NDFIP1: variants seen among roughly 807,000 people sequenced by gnomAD.
The protein encoded by NDFIP1 is Nedd4 family interacting protein 1.
Under a neutral mutation model 28.8 loss-of-function variants are expected in NDFIP1, and 7 were observed. The ratio of observed to expected loss-of-function variants is 0.24; its 90% CI spans 0.14 to 0.46. NDFIP1 has a LOEUF of 0.46. Among genes scored for constraint, NDFIP1 ranks in the 20% least tolerant of loss-of-function variants. The pLI is 0.99. For synonymous variants in NDFIP1, 92 were observed against 101.0 expected (o/e 0.91, Z 0.53); for missense variants, 194 against 269.1 (o/e 0.72, Z 1.95).
rs199878440 is a variant in NDFIP1 at position 142,153,482 on chromosome 5, T to C, written c.*1754T>C. 1.2e-3 allele frequency: 530 copies of C among 453,128 alleles called. 2 individuals carry two copies. The highest frequency in any genetic ancestry group is 1.0e-2 in the African/African-American group (501 of 50,110). The allele number at this position is 453,128 out of a possible 1,614,324, so 28.1% of individuals were successfully genotyped here. Reference sequence around the variant, plus strand: ...CCAAACAGGAAAATTAGGAGCCTCCTGGATTGACATTTCAATGATCCCTCT... The same window carrying C: ...CCAAACAGGAAAATTAGGAGCCTCCCGGATTGACATTTCAATGATCCCTCT... On this transcript the variant is annotated 3_prime_UTR_variant, in exon 8 of 8. Transcript: ENST00000253814.
At chr5:142,111,250 TAAATAATG>T (rs1757011826) in intron 1 of NDFIP1, among the ~76,000 whole-genome samples, 1 of 151,096 alleles carries the variant, frequency 6.6e-6, no homozygotes, top group African/African-American at 2.4e-5. Flanking sequence ...GCATGCTAGA[TAAATAATG>T]AAATAGGTTC....
At chr5:142,146,767 T>C (rs1389740703) in intron 7 of NDFIP1, among the ~76,000 whole-genome samples, 1 of 152,182 alleles carries the variant, frequency 6.6e-6, no homozygotes, top group Non-Finnish European at 1.5e-5. Context: ...TCATCTTGGT[T>C]CTAAGCATAA....
At chr5:142,131,922 G>T in intron 2 of NDFIP1, 27 bp downstream of exon 2, 1 of 1,541,068 alleles carries the variant, frequency 6.5e-7, no homozygotes, top group East Asian at 2.3e-5. Context: ...GGTGATCACG[G>T]AATCCTTAAA....
intron 7 of NDFIP1, among the ~76,000 whole-genome samples, chr5:142,150,236 A>G (rs1031799800): frequency 4.0e-5 from 6 of 151,284 alleles, no homozygotes; most frequent in African/African-American, 1.2e-4. Flanking sequence ...ATTTATGTTT[A>G]TAATGAGTCT....
chr5:142,135,199 C>T (rs892058221), intron 3 of NDFIP1, among the ~76,000 whole-genome samples: 4 of 152,064 alleles, frequency 2.6e-5, no homozygotes, highest in Non-Finnish European at 4.4e-5. Context: ...AGGATGGTCT[C>T]GATCTCCTGA....
Position 142,109,029 on chromosome 5 carries a change from T to C in NDFIP1, c.55T>C (p.Tyr19His). 7.0e-7 allele frequency: 1 copy of C among 1,430,894 alleles called. No individual in the cohort carries two copies. Among genetic ancestry groups the C allele is most frequent in the Non-Finnish European group, 9.1e-7 (1 of 1,093,252 alleles). The allele number at this position is 1,430,894 out of a possible 1,614,324, so 88.6% of individuals were successfully genotyped here. A position where few individuals can be genotyped will look rare whatever the true frequency, so the allele number is the denominator to read the frequency against. The stretch of plus-strand genomic sequence containing the variant: ...GGTCGAGCCGGCCTGCGGCAGCCGG[T>C]ACCAGCAGGTAAGCGGCGCCCGACT... The part of the protein sequence containing the change: ...AAVEPACGSR[Y>H]QQLQNEEESG... The change falls in exon 1 of 8, where the codon TAC becomes CAC. Residue 19 changes from tyrosine (Y) to histidine (H), a missense_variant. Tyr to His is a moderately conservative substitution (Grantham distance 83). Coordinates refer to ENST00000253814, the MANE Select transcript of NDFIP1 (RefSeq NM_030571.4).
intron 4 of NDFIP1, among the ~76,000 whole-genome samples, 193 bp from the exon 5 acceptor site, chr5:142,137,537 TAGGG>T (rs149990975): frequency 0.011 from 1,699 of 152,264 alleles, 25 homozygotes; most frequent in African/African-American, 0.037. Context: ...TAAAACCTGA[TAGGG>T]AGGAGTTTTT....
At chr5:142,142,326 A>G (rs1021600930) in intron 6 of NDFIP1, among the ~76,000 whole-genome samples, 3 of 151,964 alleles carry the variant, frequency 2.0e-5, no homozygotes, top group Non-Finnish European at 2.9e-5. Context: ...TTTTTCCTCT[A>G]TTGATTATTG....
At chr5:142,147,514 A>G (rs918731204) in intron 7 of NDFIP1, among the ~76,000 whole-genome samples, 3 of 152,144 alleles carry the variant, frequency 2.0e-5, no homozygotes, top group African/African-American at 7.2e-5. Flanking sequence ...AGATAAGTCT[A>G]TTTGTATTGA....
intron 1 of NDFIP1, among the ~76,000 whole-genome samples, chr5:142,124,284 G>A (rs1412350312): frequency 6.6e-6 from 1 of 152,184 alleles, no homozygotes; most frequent in Admixed American, 6.5e-5. Flanking sequence ...ACCATGGTTG[G>A]CTAATTAGTG....
intron 1 of NDFIP1, among the ~76,000 whole-genome samples, chr5:142,121,612 C>T (rs927360047): frequency 6.6e-6 from 1 of 152,180 alleles, no homozygotes; most frequent in African/African-American, 2.4e-5. Flanking sequence ...CTCCTCAACT[C>T]TTCCATGTTT....
rs116170447 is a variant in NDFIP1, at chr5:142,135,924, A to G, written c.370+107A>G. 4.9e-3 allele frequency: 3,401 copies of G among 691,742 alleles called. 67 individuals carry two copies. The highest frequency in any genetic ancestry group is 0.049 in the African/African-American group (2,710 of 55,676). 42.9% of individuals were successfully genotyped at this position (691,742 alleles called of 1,614,324 possible). ...ACTAGTTGAGCTAATATATTAATAC[A>G]TTATGTTTATTTGGTGCCTTTTACT... On this transcript the variant is annotated intron_variant, in intron 4 of 7. Transcript: ENST00000253814.
intron 3 of NDFIP1, among the ~76,000 whole-genome samples, chr5:142,134,522 G>T (rs1171623817): frequency 6.6e-6 from 1 of 152,096 alleles, no homozygotes; most frequent in African/African-American, 2.4e-5. Flanking sequence ...CATTGCCACC[G>T]ACTTCCCTTT....
At chr5:142,118,668 G>A (rs751857326) in intron 1 of NDFIP1, among the ~76,000 whole-genome samples, 3 of 152,212 alleles carry the variant, frequency 2.0e-5, no homozygotes, top group Non-Finnish European at 4.4e-5. Context: ...GGAGTGGGGA[G>A]TTATGTAACA....
At chr5:142,116,643 G>A (rs116602676) in intron 1 of NDFIP1, among the ~76,000 whole-genome samples, 2,667 of 151,976 alleles carry the variant, frequency 0.018, 33 homozygotes, top group Non-Finnish European at 0.025. Context: ...TTACAGGTGT[G>A]AGCCACCATG....
Position 142,144,192 on chromosome 5 carries a change from TTTGTTG to T in NDFIP1, c.563-358_563-353del, listed in dbSNP as rs34849226. The T allele has an allele frequency of 2.1e-4, 33 of 156,422 alleles. No individual in the cohort carries two copies. The South Asian group carries it at 4.3e-3, about 20-fold the overall frequency. The allele number at this position is 156,422 out of a possible 1,614,324, so 9.7% of individuals were successfully genotyped here. A position where few individuals can be genotyped will look rare whatever the true frequency, so the allele number is the denominator to read the frequency against. ...GAGAAAAACACAGTTATAACCTCTT[TTTGTTG>T]TTGTTGTTGTTGTTGTTGTTTGGAG... On this transcript the variant is annotated intron_variant, in intron 6 of 7. Transcript: ENST00000253814.
At chr5:142,118,675 A>T (rs1411071866) in intron 1 of NDFIP1, among the ~76,000 whole-genome samples, 1 of 152,210 alleles carries the variant, frequency 6.6e-6, no homozygotes, top group Admixed American at 6.5e-5. Context: ...GGAGTTATGT[A>T]ACACCTCGCT....
chr5:142,141,950 A>AGGCT lies in NDFIP1; in HGVS notation c.562+1321_562+1322insGGCT, dbSNP rs1596794001. ...GGATTTTAAGACCAGCCTGGGCAAC[A>AGGCT]TAGCAAGACCTCGTCTCTACAAAAA... On this transcript the variant is annotated intron_variant, in intron 6 of 7. Coordinates refer to ENST00000253814, the MANE Select transcript of NDFIP1 (RefSeq NM_030571.4). Among the ~76,000 whole-genome samples, 3 of 152,148 alleles carry AGGCT rather than the reference A, an allele frequency of 2.0e-5. No individual in the cohort carries two copies. In the East Asian group the frequency reaches 5.8e-4, roughly 29 times the overall value.
chr5:142,152,184 T>A lies in NDFIP1; in HGVS notation c.*456T>A, dbSNP rs1757453671. The stretch of plus-strand genomic sequence containing the variant: ...TTAAACTTTTGCTATGACTGTGTTT[T>A]TGCACATAATCCATATTTGCTGTTC... On this transcript the variant is annotated 3_prime_UTR_variant, in exon 8 of 8. Coordinates refer to ENST00000253814, the MANE Select transcript of NDFIP1 (RefSeq NM_030571.4). The A allele has an allele frequency of 6.5e-6, 1 of 152,816 alleles. No individual in the cohort carries two copies. Among genetic ancestry groups the A allele is most frequent in the Non-Finnish European group, 1.5e-5 (1 of 68,038 alleles). The allele number at this position is 152,816 out of a possible 1,614,324, so 9.5% of individuals were successfully genotyped here.
Sources: allele counts gnomAD v4.1 joint callset (sites outside exome capture counted in the v4.1 genomes callset), GRCh38; gene constraint gnomAD v4.1.1; transcripts MANE v1.5; gene names NCBI Gene and HGNC (gene_info 2026-07-23, HGNC 2026-07-21).